The following ATP2B2 variants were observed in gnomAD, a reference collection of about 807,000 sequenced individuals.
ATP2B2 encodes plasma membrane calcium-transporting ATPase 2.
A neutral mutation model predicts 120.0 loss-of-function variants in ATP2B2; 15 were observed. That is an observed-to-expected ratio of 0.12 (90% CI 0.08 to 0.19). ATP2B2 has a LOEUF of 0.19. ATP2B2 is among the 10% of genes least tolerant of loss of function. ATP2B2 has a pLI of 1.00. For synonymous variants in ATP2B2, 694 were observed against 700.3 expected, an observed-to-expected ratio of 0.99 and a Z score of 0.14; for missense variants, 1,045 against 1,719.8, an observed-to-expected ratio of 0.61 and a Z score of 6.94.
At chr3:10,391,747 C>T (rs1321049974) in intron 5 of ATP2B2, among the ~76,000 whole-genome samples, 1 of 152,234 alleles carries the variant, frequency 6.6e-6, no homozygotes, top group Non-Finnish European at 1.5e-5. Flanking sequence ...CCCCAAGCCT[C>T]TGCTCTTACC....
chr3:10,660,032 A>T (rs1478256669), intron 1 of ATP2B2, among the ~76,000 whole-genome samples: 1 of 152,256 alleles, frequency 6.6e-6, no homozygotes, highest in East Asian at 1.9e-4. Context: ...AGAAATACAG[A>T]TGTTCTTTGA....
intron 2 of ATP2B2, among the ~76,000 whole-genome samples, chr3:10,587,037 T>C (rs541012116): frequency 6.6e-6 from 1 of 152,308 alleles, no homozygotes; most frequent in Non-Finnish European, 1.5e-5. Context: ...TCATAGCCTG[T>C]AATCCCAGTA....
At chr3:10,385,382 A>C (rs919397744) in intron 7 of ATP2B2, 55 bp from the exon 8 acceptor site, 39 of 1,507,594 alleles carry the variant, frequency 2.6e-5, no homozygotes, top group Non-Finnish European at 3.1e-5. Context: ...GAAAAGCAAC[A>C]ACGACAAAGA....
At chr3:10,555,398 C>T (rs1169652243) in intron 2 of ATP2B2, among the ~76,000 whole-genome samples, 1 of 152,256 alleles carries the variant, frequency 6.6e-6, no homozygotes, top group Non-Finnish European at 1.5e-5. Flanking sequence ...TCCTCCCCTT[C>T]ACCTAGAAAA....
In ATP2B2 at chr3:10,326,813, C is replaced by A. The variant is rs982852525; in HGVS notation, c.*2001G>T. On this transcript the variant is annotated 3_prime_UTR_variant, in exon 23 of 23. Transcript: ENST00000360273. Reference sequence around the variant, plus strand: ...TGAACCCCAAACCCTCAAGTTTTTCCACCGCCATCCAGATGTAGGCCCTCC... The same window carrying A: ...TGAACCCCAAACCCTCAAGTTTTTCAACCGCCATCCAGATGTAGGCCCTCC... The A allele has an allele frequency of 7.5e-6, 3 of 398,850 alleles. No homozygotes were observed. The highest frequency in any genetic ancestry group is 1.3e-5 in the Non-Finnish European group (3 of 226,066). The allele number at this position is 398,850 out of a possible 1,614,324, so 24.7% of individuals were successfully genotyped here. A position where few individuals can be genotyped will look rare whatever the true frequency, so the allele number is the denominator to read the frequency against.
chr3:10,393,355 AT>A (rs2061920418), intron 5 of ATP2B2, among the ~76,000 whole-genome samples: 1 of 152,002 alleles, frequency 6.6e-6, no homozygotes, highest in Non-Finnish European at 1.5e-5. Context: ...CGCTGAGAGT[AT>A]TTTTGGGTGG....
At chr3:10,439,321 A>C (rs2063578272) in intron 2 of ATP2B2, among the ~76,000 whole-genome samples, 2 of 152,186 alleles carry the variant, frequency 1.3e-5, no homozygotes, top group South Asian at 4.1e-4. Flanking sequence ...GGCATGGAAC[A>C]GGGTGGAGGG....
chr3:10,429,600 C>T (rs2063250053), intron 2 of ATP2B2, among the ~76,000 whole-genome samples: 2 of 152,164 alleles, frequency 1.3e-5, no homozygotes, highest in South Asian at 4.1e-4. Context: ...CCTGTCTCTC[C>T]ATCTCCTTGG....
At chr3:10,553,768 G>A (rs983712663) in intron 2 of ATP2B2, among the ~76,000 whole-genome samples, 6 of 152,092 alleles carry the variant, frequency 3.9e-5, no homozygotes, top group African/African-American at 1.2e-4. Context: ...GGGTGTTATC[G>A]AGATAATCCA....
Position 10,402,475 on chromosome 3 carries a change from C to T in ATP2B2, c.398-127G>A. 1 of 1,387,576 alleles carries T rather than the reference C, an allele frequency of 7.2e-7. No homozygotes were observed. The highest frequency in any genetic ancestry group is 1.0e-6 in the Non-Finnish European group (1 of 995,282). 86.0% of individuals were successfully genotyped at this position (1,387,576 alleles called of 1,614,324 possible). A position where few individuals can be genotyped will look rare whatever the true frequency, so the allele number is the denominator to read the frequency against. On this transcript the variant is annotated intron_variant, in intron 3 of 22. Transcript: ENST00000360273. The surrounding 1 kb of genome is among the most constrained non-coding windows in gnomAD (Gnocchi z 4.9). ...GAATCAGATGATAATTATCCACTTA[C>T]TCAGTGTGTCTGGGTACCAAGCCCT...
intron 2 of ATP2B2, among the ~76,000 whole-genome samples, chr3:10,578,450 G>A (rs1165501691): frequency 2.6e-5 from 4 of 151,968 alleles, no homozygotes; most frequent in African/African-American, 9.7e-5. Context: ...GGGAGGTTGA[G>A]GCAGGAGAAT....
chr3:10,472,976 T>C (rs34878), intron 1 of ATP2B2, among the ~76,000 whole-genome samples: 92,509 of 152,078 alleles, frequency 0.61, 29,715 homozygotes, highest in African/African-American at 0.74. Flanking sequence ...GGTAAGTTGT[T>C]GAACCAAGAT....
intron 1 of ATP2B2, among the ~76,000 whole-genome samples, chr3:10,679,975 C>A (rs989402041): frequency 6.6e-6 from 1 of 152,090 alleles, no homozygotes; most frequent in Non-Finnish European, 1.5e-5. Context: ...ATGTTAATAA[C>A]CTGTCGGTTC....
chr3:10,502,109 C>A (rs73811916), intron 1 of ATP2B2, among the ~76,000 whole-genome samples: 1 of 152,324 alleles, frequency 6.6e-6, no homozygotes, highest in African/African-American at 2.4e-5. Flanking sequence ...CTGCACATAG[C>A]ATAAGCCACA....
rs186434415 is a variant in ATP2B2 at position 10,588,991 on chromosome 3, C to T, written c.-415+30926G>A. Reference sequence around the variant, plus strand: ...GGCTGGTATCAAGGTTCCCAGATCCCGACATCTTTTAAGGGCATAAACTGG... The same window carrying T: ...GGCTGGTATCAAGGTTCCCAGATCCTGACATCTTTTAAGGGCATAAACTGG... On this transcript the variant is annotated intron_variant, in intron 2 of 21. Transcript: ENST00000646379. Among the ~76,000 whole-genome samples the T allele has an allele frequency of 3.9e-3, 587 of 152,194 alleles. 9 individuals are homozygous for T. The highest frequency in any genetic ancestry group is 0.014 in the Middle Eastern group (4 of 294).
At chr3:10,706,274 C>A (rs575129285) in intron 1 of ATP2B2, among the ~76,000 whole-genome samples, 7 of 152,186 alleles carry the variant, frequency 4.6e-5, no homozygotes, top group African/African-American at 1.4e-4. Flanking sequence ...GGAATGACCT[C>A]GCACAGAGGT....
chr3:10,610,346 A>ACTAT (rs2069199566), intron 2 of ATP2B2, among the ~76,000 whole-genome samples: 1 of 151,926 alleles, frequency 6.6e-6, no homozygotes, highest in African/African-American at 2.4e-5. Flanking sequence ...GATCACAGAT[A>ACTAT]CTATCCATCC....
chr3:10,439,392 G>T (rs1161213066), intron 2 of ATP2B2, among the ~76,000 whole-genome samples: 3 of 152,190 alleles, frequency 2.0e-5, no homozygotes, highest in African/African-American at 7.2e-5. Flanking sequence ...CCCCTGCCCA[G>T]CATGGGTGGA....
chr3:10,590,359 T>C (rs956407831), intron 2 of ATP2B2, among the ~76,000 whole-genome samples: 5 of 152,252 alleles, frequency 3.3e-5, no homozygotes, highest in African/African-American at 7.2e-5. Context: ...TATACAACTG[T>C]ATGCATTTGT....
Sources: allele counts gnomAD v4.1 joint callset (sites outside exome capture counted in the v4.1 genomes callset), GRCh38; gene constraint gnomAD v4.1.1; non-coding constraint Gnocchi (gnomAD v3.1); transcripts MANE v1.5; gene names NCBI Gene and HGNC (gene_info 2026-07-23, HGNC 2026-07-21).